Variants in PTPRM observed in about 807,000 individuals in gnomAD.
The protein encoded by PTPRM is protein tyrosine phosphatase receptor type M, also known as receptor-type tyrosine-protein phosphatase mu.
PTPRM carries 47 observed loss-of-function variants against 186.7 expected under a neutral mutation model. That is an observed-to-expected ratio of 0.25 (90% CI 0.20 to 0.32). PTPRM has a LOEUF of 0.32. Ranked by LOEUF, PTPRM falls within the 10% of genes least tolerant of loss-of-function variation. PTPRM has a pLI of 1.00. For missense variants in PTPRM, 1,494 were observed against 1,865.0 expected, an observed-to-expected ratio of 0.80 and a Z score of 3.66; for synonymous variants, 668 against 674.9, an observed-to-expected ratio of 0.99 and a Z score of 0.16.
In PTPRM at chr18:8,244,163, C is replaced by T. The variant is rs376160903; in HGVS notation, c.2406C>T (p.Cys802=). 4.4e-6 allele frequency: 7 copies of T among 1,596,360 alleles called. No homozygotes were observed. The highest frequency in any genetic ancestry group is 2.7e-5 in the African/African-American group (2 of 73,662). Residue 802 remains cysteine, a synonymous_variant, in exon 15 of 33, where the codon TGC becomes TGT. Transcript: ENST00000580170. ...DKSYAEQGTN[C]DEAFSFMDTH... ...GCTATGCTGAGCAGGGCACAAACTG[C>T]GACGAGGCTTTCTCATTCATGGACA...
rs888564591 is a variant in PTPRM, at chr18:7,835,715, G to A, written c.197-52391G>A. ...ATTGGGGTCTCTATCTCTCTTTAGC[G>A]CTAATAATATTTTCTTTATATATCT... On this transcript the variant is annotated intron_variant, in intron 2 of 32. Coordinates refer to ENST00000580170, the MANE Select transcript of PTPRM (RefSeq NM_001105244.2). 8.0e-5 allele frequency among the ~76,000 whole-genome samples: 12 copies of A among 150,392 alleles called. No homozygotes were observed. The South Asian group carries it at 1.3e-3, about 16-fold the overall frequency.
At chr18:8,373,878 C>T (rs1393565706) in intron 24 of PTPRM, among the ~76,000 whole-genome samples, 9 of 148,832 alleles carry the variant, frequency 6.0e-5, no homozygotes, top group Non-Finnish European at 1.3e-4. Flanking sequence ...GAATGAGACC[C>T]TGTCTCGGAA....
chr18:8,320,629 G>A (rs1308263098), intron 22 of PTPRM, among the ~76,000 whole-genome samples: 1 of 152,148 alleles, frequency 6.6e-6, no homozygotes, highest in Non-Finnish European at 1.5e-5. Context: ...GCTTTGGGGT[G>A]GAAAAGCTCC....
Position 8,379,294 on chromosome 18 carries a change from C to G in PTPRM, c.3740C>G (p.Thr1247Ser). ...GACCGCTGCCTGCCCTTCCTCATCA[C>G]CATCGATGGGGAGAGCAGCAACTAC... ...PPDRCLPFLI[T>S]IDGESSNYIN... Residue 1247 changes from threonine to serine, a missense_variant, in exon 28 of 33, where the codon ACC (threonine) becomes AGC (serine). Transcript: ENST00000580170. 1 of 1,614,034 alleles carries G rather than the reference C, an allele frequency of 6.2e-7. No homozygotes were observed. Among genetic ancestry groups the G allele is most frequent in the Non-Finnish European group, 8.5e-7 (1 of 1,179,982 alleles).
At chr18:7,965,496 G>A (rs1488036737) in intron 7 of PTPRM, among the ~76,000 whole-genome samples, 1 of 152,102 alleles carries the variant, frequency 6.6e-6, no homozygotes, top group Non-Finnish European at 1.5e-5. Flanking sequence ...TATTGAGTGA[G>A]ATTGGATGGC....
intron 7 of PTPRM, among the ~76,000 whole-genome samples, chr18:7,990,710 T>A (rs1446937806): frequency 6.6e-6 from 1 of 152,200 alleles, no homozygotes; most frequent in Admixed American, 6.5e-5. Flanking sequence ...TCTACACTGA[T>A]CACTGAGACA....
intron 24 of PTPRM, among the ~76,000 whole-genome samples, chr18:8,375,557 G>C (rs114368668): frequency 6.6e-6 from 1 of 152,320 alleles, no homozygotes; most frequent in African/African-American, 2.4e-5. Flanking sequence ...CATGCTCAGT[G>C]AGTGTGCACC....
chr18:8,206,433 A>G (rs935289624), intron 14 of PTPRM, among the ~76,000 whole-genome samples: 3 of 152,064 alleles, frequency 2.0e-5, no homozygotes, highest in African/African-American at 7.2e-5. Context: ...TACTTTTAGT[A>G]GAGACGGGGT....
intron 5 of PTPRM, among the ~76,000 whole-genome samples, chr18:7,928,924 G>A (rs756098976): frequency 9.9e-5 from 15 of 152,262 alleles, no homozygotes; most frequent in Admixed American, 4.6e-4. Context: ...CATGTGGTAT[G>A]GAGAAAGCTA....
intron 5 of PTPRM, among the ~76,000 whole-genome samples, chr18:7,944,174 A>G (rs571001776): frequency 1.3e-5 from 2 of 152,182 alleles, no homozygotes; most frequent in Non-Finnish European, 2.9e-5. Context: ...AGAGTCAGCC[A>G]GTATTTCTTG....
At chr18:8,394,375 G>T (rs2148599423) in intron 31 of PTPRM, 101 bp from the exon 32 acceptor site, 1 of 1,356,334 alleles carries the variant, frequency 7.4e-7, no homozygotes, top group South Asian at 1.6e-5. Flanking sequence ...GCCCTTTGTT[G>T]TTACTGTTCC....
chr18:8,387,654 T>A (rs2509551), intron 31 of PTPRM, among the ~76,000 whole-genome samples: 2 of 151,992 alleles, frequency 1.3e-5, no homozygotes, highest in Admixed American at 6.5e-5. Flanking sequence ...TCAGGGCTCC[T>A]TCCCACCAGC....
chr18:8,092,051 A>G (rs977765386), intron 11 of PTPRM, among the ~76,000 whole-genome samples: 2 of 152,024 alleles, frequency 1.3e-5, no homozygotes, highest in Non-Finnish European at 2.9e-5. Flanking sequence ...ATTTTTTTCA[A>G]TTGATTTGAT....
chr18:7,696,007 A>G (rs1178602023), intron 1 of PTPRM, among the ~76,000 whole-genome samples: 1 of 152,216 alleles, frequency 6.6e-6, no homozygotes, highest in Non-Finnish European at 1.5e-5. Flanking sequence ...GTCAGAAATC[A>G]TTTGATGTCA....
Position 7,937,133 on chromosome 18 carries a change from C to T in PTPRM, c.663+10450C>T, listed in dbSNP as rs140582221. 2.6e-3 allele frequency among the ~76,000 whole-genome samples: 398 copies of T among 152,312 alleles called. 1 individual carries two copies. The highest frequency in any genetic ancestry group is 9.1e-3 in the African/African-American group (378 of 41,582). ...ATTCTTCCTAGACACAGGACAAGAA[C>T]TCGGGACCCACCAAATGGCAGGGCT... is the stretch of plus-strand genomic sequence containing the variant. On this transcript the variant is annotated intron_variant, in intron 5 of 32. Transcript: ENST00000580170.
At chr18:7,947,366 A>C (rs978216216) in intron 5 of PTPRM, among the ~76,000 whole-genome samples, 3 of 152,140 alleles carry the variant, frequency 2.0e-5, no homozygotes, top group African/African-American at 4.8e-5. Context: ...TAGGTTTGGC[A>C]TACTGGTCAG....
At chr18:8,206,451 T>C (rs1189351393) in intron 14 of PTPRM, among the ~76,000 whole-genome samples, 1 of 152,018 alleles carries the variant, frequency 6.6e-6, no homozygotes, top group African/African-American at 2.4e-5. Flanking sequence ...GGTTTCACCA[T>C]GTTAGCCAGA....
At position 7,980,254 on chromosome 18, in the gene PTPRM, G is replaced by A. The variant is rs1054132003; in HGVS notation, c.1132+24840G>A. On this transcript the variant is annotated intron_variant, in intron 7 of 32. Transcript: ENST00000580170. Reference sequence around the variant, plus strand: ...ATCTCATGTACTCTCTTTCCTAGGTGTCTTGGTGTTTCGGAGGTTTCTCTG... The same window carrying A: ...ATCTCATGTACTCTCTTTCCTAGGTATCTTGGTGTTTCGGAGGTTTCTCTG... 5.9e-5 allele frequency among the ~76,000 whole-genome samples: 9 copies of A among 152,090 alleles called. 1 individual carries two copies. Among genetic ancestry groups the A allele is most frequent in the African/African-American group, 2.2e-4 (9 of 41,414 alleles).
At chr18:7,964,427 C>T (rs2053884978) in intron 7 of PTPRM, among the ~76,000 whole-genome samples, 1 of 152,140 alleles carries the variant, frequency 6.6e-6, no homozygotes, top group South Asian at 2.1e-4. Flanking sequence ...TTTCTTAATC[C>T]TTCTGGTCAG....
Sources: gnomAD v4.1 joint callset for allele counts (sites outside exome capture counted in the v4.1 genomes callset) on GRCh38, gnomAD v4.1.1 for gene constraint, MANE v1.5 for transcripts, NCBI Gene and HGNC (gene_info 2026-07-23, HGNC 2026-07-21) for gene names.